NMT2: variants seen among roughly 807,000 people sequenced by gnomAD.
NMT2 encodes the protein N-myristoyltransferase 2, also known as glycylpeptide N-tetradecanoyltransferase 2.
A neutral mutation model predicts 65.4 loss-of-function variants in NMT2; 35 were observed. That is an observed-to-expected ratio of 0.54 (90% CI 0.41 to 0.71). NMT2 has a LOEUF of 0.71. NMT2 is among the 30% of genes least tolerant of loss of function. NMT2 has a pLI of 0.00. For synonymous variants in NMT2, 226 were observed against 231.8 expected, an observed-to-expected ratio of 0.98 and a Z score of 0.23; for missense variants, 489 against 611.3, an observed-to-expected ratio of 0.80 and a Z score of 2.11.
intron 7 of NMT2, among the ~76,000 whole-genome samples, chr10:15,128,897 C>T (rs752339976): frequency 3.9e-5 from 6 of 152,008 alleles, no homozygotes; most frequent in Non-Finnish European, 7.4e-5. Context: ...CCCAGCTACT[C>T]GGGAGGCTGA....
chr10:15,155,070 T>C, intron 1 of NMT2: 1 of 1,332,846 alleles, frequency 7.5e-7, no homozygotes, highest in Non-Finnish European at 1.1e-6. Flanking sequence ...GAAGTTCTCA[T>C]CATCAAATTT....
chr10:15,141,753 C>G (rs921635568), intron 1 of NMT2, among the ~76,000 whole-genome samples, 196 bp from the exon 2 acceptor site: 1 of 152,152 alleles, frequency 6.6e-6, no homozygotes, highest in African/African-American at 2.4e-5. Flanking sequence ...TACCAGCCCC[C>G]GCTCAGTCAT....
intron 8 of NMT2, 68 bp from the exon 9 acceptor site, chr10:15,119,581 CAA>C (rs2131500943): frequency 1.4e-6 from 2 of 1,399,276 alleles, no homozygotes; most frequent in Admixed American, 1.7e-5. Flanking sequence ...ACTTTGCACT[CAA>C]AGTGTGGTCT....
chr10:15,163,368 C>A (rs1833266485), intron 1 of NMT2, among the ~76,000 whole-genome samples: 1 of 152,142 alleles, frequency 6.6e-6, no homozygotes, highest in Admixed American at 6.6e-5. Context: ...TTTGCACTAA[C>A]AAACAAAGAT....
intron 1 of NMT2, among the ~76,000 whole-genome samples, chr10:15,166,288 T>C (rs934557650): frequency 6.6e-6 from 1 of 152,264 alleles, no homozygotes; most frequent in African/African-American, 2.4e-5. Flanking sequence ...CGCTGCCTGG[T>C]GGCCTCAAAT....
chr10:15,122,458 C>T (rs113186234), intron 8 of NMT2, among the ~76,000 whole-genome samples: 9,543 of 151,798 alleles, frequency 0.063, 388 homozygotes, highest in Admixed American at 0.096. Context: ...TACTCTGTCG[C>T]CCAGGCTGGA....
In NMT2 at chr10:15,132,861, G is replaced by C; in HGVS notation, c.675C>G (p.Val225=). The change falls in exon 6 of 12, where the codon GTC becomes GTG. Residue 225 remains valine (V), a synonymous_variant. Coordinates refer to ENST00000378165, the MANE Select transcript of NMT2 (RefSeq NM_004808.3). ...GVRVSSNKKL[V]GFISAIPANI... ...TTGCTGGGATGGCACTTATGAACCCGACCAGTTTTTTATTTGAAGACACTC... is the reference window on the plus strand; with the variant it reads ...TTGCTGGGATGGCACTTATGAACCCCACCAGTTTTTTATTTGAAGACACTC... The C allele has an allele frequency of 6.2e-7, 1 of 1,613,786 alleles. No individual in the cohort carries two copies. The highest frequency in any genetic ancestry group is 8.5e-7 in the Non-Finnish European group (1 of 1,179,820).
At chr10:15,124,770 G>A (rs983666786) in intron 8 of NMT2, among the ~76,000 whole-genome samples, 2 of 152,042 alleles carry the variant, frequency 1.3e-5, no homozygotes, top group African/African-American at 4.8e-5. Flanking sequence ...GACACCCAAG[G>A]GACTGCTGCC....
At chr10:15,158,483 T>C (rs572325674) in intron 1 of NMT2, among the ~76,000 whole-genome samples, 4 of 152,288 alleles carry the variant, frequency 2.6e-5, no homozygotes, top group South Asian at 2.1e-4. Flanking sequence ...TCTTAATGCA[T>C]ATAAAATAAA....
At chr10:15,118,180 C>T (rs1214853443) in intron 9 of NMT2, among the ~76,000 whole-genome samples, 2 of 152,076 alleles carry the variant, frequency 1.3e-5, no homozygotes, top group Non-Finnish European at 2.9e-5. Flanking sequence ...TGGAGATCAA[C>T]GAAATAGAAT....
At chr10:15,162,305 T>C (rs929873960) in intron 1 of NMT2, among the ~76,000 whole-genome samples, 11 of 132,948 alleles carry the variant, frequency 8.3e-5, no homozygotes, top group Non-Finnish European at 1.7e-4. Flanking sequence ...AAAAAAAGAA[T>C]GAAAACTAGA....
chr10:15,146,668 C>T (rs566064146), intron 1 of NMT2, among the ~76,000 whole-genome samples: 156 of 152,320 alleles, frequency 1.0e-3, no homozygotes, highest in African/African-American at 3.7e-3. Context: ...AGAACTCCCT[C>T]ACCATCGTCA....
At chr10:15,147,577 G>A (rs570602116) in intron 1 of NMT2, among the ~76,000 whole-genome samples, 1 of 151,634 alleles carries the variant, frequency 6.6e-6, no homozygotes, top group African/African-American at 2.4e-5. Flanking sequence ...CATAGCATGA[G>A]AAAAACTGAA....
intron 1 of NMT2, among the ~76,000 whole-genome samples, chr10:15,158,574 ATGCAAGGTACCAGGTAT>A (rs1243931057): frequency 9.2e-5 from 14 of 152,228 alleles, no homozygotes. Context: ...TTACAAACAC[ATGCAAGGTACCAGGTAT>A]TGCAAGGATT....
chr10:15,120,168 A>G (rs1225735706), intron 8 of NMT2, among the ~76,000 whole-genome samples: 1 of 152,206 alleles, frequency 6.6e-6, no homozygotes, highest in East Asian at 1.9e-4. Flanking sequence ...GATTTAAAGT[A>G]TACAGGACAG....
intron 1 of NMT2, among the ~76,000 whole-genome samples, chr10:15,166,393 C>A (rs1458018481): frequency 6.6e-6 from 1 of 152,124 alleles, no homozygotes; most frequent in Non-Finnish European, 1.5e-5. Flanking sequence ...AATGAAGAGG[C>A]CGAGTATAGA....
At chr10:15,112,481 G>A (rs946669784) in intron 10 of NMT2, among the ~76,000 whole-genome samples, 4 of 150,862 alleles carry the variant, frequency 2.7e-5, no homozygotes, top group South Asian at 2.1e-4. Flanking sequence ...CACCCATCTC[G>A]GCCTCCCAAA....
chr10:15,122,995 C>A (rs1282510922), intron 8 of NMT2, among the ~76,000 whole-genome samples: 1 of 151,368 alleles, frequency 6.6e-6, no homozygotes, highest in Non-Finnish European at 1.5e-5. Context: ...GTCCCTGGGC[C>A]ACACTTTGAG....
chr10:15,147,884 A>G (rs1323207772), intron 1 of NMT2, among the ~76,000 whole-genome samples: 1 of 152,254 alleles, frequency 6.6e-6, no homozygotes, highest in Non-Finnish European at 1.5e-5. Context: ...AAGAGATAAT[A>G]ACTTTTGAGT....
Sources: allele counts gnomAD v4.1 joint callset (sites outside exome capture counted in the v4.1 genomes callset), GRCh38; gene constraint gnomAD v4.1.1; transcripts MANE v1.5; gene names NCBI Gene and HGNC (gene_info 2026-07-23, HGNC 2026-07-21).